The following ATP10B variants were observed in gnomAD, a reference collection of about 807,000 sequenced individuals.
ATP10B encodes the protein ATPase phospholipid transporting 10B (putative), also known as phospholipid-transporting ATPase VB.
In ATP10B, 122 loss-of-function variants were observed where a neutral mutation model predicts 141.2. That is an observed-to-expected ratio of 0.86 (90% CI 0.75 to 1.00). The LOEUF is 1.00. Ranked by LOEUF, ATP10B falls within the 50% of genes least tolerant of loss-of-function variation. The pLI is 0.00. For missense variants in ATP10B, 1,876 were observed against 1,825.3 expected, an observed-to-expected ratio of 1.03 and a Z score of -0.51; for synonymous variants, 685 against 692.0, an observed-to-expected ratio of 0.99 and a Z score of 0.16.
chr5:160,706,896 C>T (rs866569763), intron 3 of ATP10B, among the ~76,000 whole-genome samples: 3 of 152,196 alleles, frequency 2.0e-5, no homozygotes, highest in African/African-American at 7.2e-5. Context: ...CTCAGGGCAC[C>T]AAAAGACTCA....
At chr5:160,916,974 G>A in the ATP10B span, among the ~76,000 whole-genome samples, 2 of 152,310 alleles carry the variant, frequency 1.3e-5, no homozygotes, top group South Asian at 2.1e-4. Context: ...TGCCTGTGCT[G>A]TGTCTGAGTA....
At chr5:160,583,564 G>A (rs1318411545) in intron 24 of ATP10B, among the ~76,000 whole-genome samples, 1 of 152,220 alleles carries the variant, frequency 6.6e-6, no homozygotes, top group Non-Finnish European at 1.5e-5. Context: ...CCTTAGCAGA[G>A]CTCGAGCGCT....
chr5:160,698,879 G>A lies in ATP10B; in HGVS notation c.-204-9936C>T, dbSNP rs139982570. Among the ~76,000 whole-genome samples the A allele has an allele frequency of 9.1e-4, 138 of 152,314 alleles. 1 individual carries two copies. Among genetic ancestry groups the A allele is most frequent in the African/African-American group, 3.0e-3 (125 of 41,564 alleles). ...GAGAGTTGAGTAGCCAGAGGCAGGC[G>A]TGAATCCAGAAAGCACAAGAATAGG... is the stretch of plus-strand genomic sequence containing the variant. On this transcript the variant is annotated intron_variant, in intron 3 of 25. Coordinates refer to ENST00000327245, the MANE Select transcript of ATP10B (RefSeq NM_025153.3).
At chr5:160,646,635 G>A (rs1157718879) in intron 8 of ATP10B, among the ~76,000 whole-genome samples, 1 of 152,216 alleles carries the variant, frequency 6.6e-6, no homozygotes, top group African/African-American at 2.4e-5. Context: ...GAGGCTGGCT[G>A]TGGATTTAAT....
At chr5:160,609,110 T>C (rs1272042920) in intron 18 of ATP10B, among the ~76,000 whole-genome samples, 3 of 152,082 alleles carry the variant, frequency 2.0e-5, no homozygotes, top group African/African-American at 7.2e-5. Context: ...ATATTATCAA[T>C]TTTAGTAGCA....
rs866595049 is a variant in ATP10B, at chr5:160,652,898, A to G, written c.676-3642T>C. 1.9e-3 allele frequency among the ~76,000 whole-genome samples: 128 copies of G among 66,420 alleles called. 2 individuals carry two copies. Among genetic ancestry groups the G allele is most frequent in the African/African-American group, 9.9e-3 (126 of 12,666 alleles). The allele number at this position is 66,420 out of a possible 152,430, so 43.6% of individuals were successfully genotyped here. On this transcript the variant is annotated intron_variant, in intron 7 of 25. Coordinates refer to ENST00000327245, the MANE Select transcript of ATP10B (RefSeq NM_025153.3). ...TATAATATATATATAATTATATAAT[A>G]TATTATATATACATGTATATATAAT...
At chr5:160,873,761 G>A in the ATP10B span, among the ~76,000 whole-genome samples, 1 of 152,252 alleles carries the variant, frequency 6.6e-6, no homozygotes, top group Non-Finnish European at 1.5e-5. Context: ...CCGAGTCAAA[G>A]AAAGGGGTGA....
the ATP10B span, among the ~76,000 whole-genome samples, chr5:160,900,913 T>TTTG: frequency 1.5e-5 from 2 of 136,576 alleles, no homozygotes; most frequent in South Asian, 4.5e-4. Flanking sequence ...GAGAAGTTTT[T>TTTG]TTTTTTTTTT....
At chr5:160,816,638 C>T (rs944936631) in intron 1 of ATP10B, among the ~76,000 whole-genome samples, 3 of 152,118 alleles carry the variant, frequency 2.0e-5, no homozygotes, top group African/African-American at 7.2e-5. Flanking sequence ...GGGAATCCTC[C>T]CTAACTCATT....
chr5:160,711,746 G>T (rs1378907862), intron 3 of ATP10B, among the ~76,000 whole-genome samples: 1 of 60,790 alleles, frequency 1.6e-5, no homozygotes, highest in African/African-American at 6.2e-5. Flanking sequence ...ATTGGCTGTG[G>T]GTTTGTCATA....
intron 1 of ATP10B, among the ~76,000 whole-genome samples, chr5:160,827,942 G>T (rs1774756184): frequency 6.6e-6 from 1 of 152,100 alleles, no homozygotes; most frequent in Non-Finnish European, 1.5e-5. Flanking sequence ...CTGTTCCATT[G>T]ATCTATATCT....
At chr5:160,879,667 T>A in the ATP10B span, among the ~76,000 whole-genome samples, 1 of 151,942 alleles carries the variant, frequency 6.6e-6, no homozygotes, top group Non-Finnish European at 1.5e-5. Flanking sequence ...TGAAATCCTG[T>A]CTTTACCAAA....
At chr5:160,688,182 C>T in intron 4 of ATP10B, 88 bp from the exon 5 acceptor site, 1 of 1,377,130 alleles carries the variant, frequency 7.3e-7, no homozygotes, top group South Asian at 1.4e-5. Context: ...GCAGGGTAGA[C>T]ACTGAAAGTA....
At chr5:160,775,326 G>A (rs1770215118) in intron 2 of ATP10B, among the ~76,000 whole-genome samples, 1 of 152,198 alleles carries the variant, frequency 6.6e-6, no homozygotes, top group South Asian at 2.1e-4. Context: ...AGTGCAGGAA[G>A]GCAGATTTAG....
intron 1 of ATP10B, among the ~76,000 whole-genome samples, chr5:160,798,607 C>T (rs542036567): frequency 1.3e-5 from 2 of 152,288 alleles, no homozygotes; most frequent in Non-Finnish European, 2.9e-5. Flanking sequence ...AATGGCCCGG[C>T]TGACTCTGAT....
chr5:160,580,404 A>G (rs913404258), intron 24 of ATP10B, among the ~76,000 whole-genome samples: 1 of 152,200 alleles, frequency 6.6e-6, no homozygotes, highest in Non-Finnish European at 1.5e-5. Context: ...CCTTTTCTGC[A>G]TCTATTGAGG....
At chr5:160,696,188 C>T (rs1764350459) in intron 3 of ATP10B, among the ~76,000 whole-genome samples, 1 of 152,104 alleles carries the variant, frequency 6.6e-6, no homozygotes, top group South Asian at 2.1e-4. Flanking sequence ...CTCACTGCAA[C>T]CTCTGCCTCC....
intron 9 of ATP10B, 59 bp from the exon 10 acceptor site, chr5:160,640,651 A>T: frequency 8.9e-6 from 14 of 1,581,362 alleles, no homozygotes; most frequent in South Asian, 1.2e-5. Flanking sequence ...GTCTTACACC[A>T]TTCCCTCAGC....
chr5:160,837,251 G>T (rs999404849), intron 1 of ATP10B, among the ~76,000 whole-genome samples: 3 of 152,094 alleles, frequency 2.0e-5, no homozygotes, highest in African/African-American at 7.2e-5. Context: ...ATGTGAGTGG[G>T]GTGGGTCAGC....
Sources: allele counts gnomAD v4.1 joint callset (sites outside exome capture counted in the v4.1 genomes callset), GRCh38; gene constraint gnomAD v4.1.1; transcripts MANE v1.5; gene names NCBI Gene and HGNC (gene_info 2026-07-23, HGNC 2026-07-21).